The following BMP6 variants were observed in gnomAD, a reference collection of about 807,000 sequenced individuals.
The protein encoded by BMP6 is VG-1-R.
Under a neutral mutation model 54.1 loss-of-function variants are expected in BMP6, and 17 were observed. The observed-to-expected ratio is 0.31, with a 90% CI of 0.22 to 0.47. The LOEUF (loss-of-function observed/expected upper bound fraction) is 0.47, where lower values mean the gene tolerates loss of function less well. Among genes scored for constraint, BMP6 ranks in the 20% least tolerant of loss-of-function variants. The pLI is 1.00. For missense variants in BMP6, 720 were observed against 690.4 expected (o/e 1.04, Z -0.48); for synonymous variants, 328 against 291.2 (o/e 1.13, Z -1.28).
At chr6:7,866,306 T>C (rs1030937597) in intron 4 of BMP6, among the ~76,000 whole-genome samples, 1 of 152,252 alleles carries the variant, frequency 6.6e-6, no homozygotes, top group African/African-American at 2.4e-5. Context: ...TTAACCAATC[T>C]ACCAATTCTT....
chr6:7,862,386 A>T lies in BMP6; in HGVS notation c.1092A>T (p.Lys364Asn). The change falls in exon 4 of 7, where the codon AAA (lysine) becomes AAT (asparagine). Residue 364 changes from lysine (K) to asparagine (N), a missense_variant. Coordinates refer to ENST00000283147, the MANE Select transcript of BMP6 (RefSeq NM_001718.6). ...AGCCCTTCATGGTGGCTTTCTTCAA[A>T]GTGAGTGAGGTGCACGTGCGCACCA... ...DKQPFMVAFFKVSEVHVRTTR... is the reference protein window; with the variant it reads ...DKQPFMVAFFNVSEVHVRTTR... The T allele has an allele frequency of 1.2e-6, 2 of 1,614,140 alleles. No individual in the cohort carries two copies. Among genetic ancestry groups the T allele is most frequent in the Non-Finnish European group, 1.7e-6 (2 of 1,180,008 alleles).
chr6:7,872,862 G>C (rs1759552066), intron 4 of BMP6, among the ~76,000 whole-genome samples: 1 of 148,258 alleles, frequency 6.7e-6, no homozygotes, highest in Non-Finnish European at 1.5e-5. Flanking sequence ...GCCCAGGCTG[G>C]AGTATGGTGG....
At chr6:7,872,211 A>G (rs892454826) in intron 4 of BMP6, among the ~76,000 whole-genome samples, 17 of 151,920 alleles carry the variant, frequency 1.1e-4, no homozygotes, top group Non-Finnish European at 2.2e-4. Flanking sequence ...GGCCCTCTTC[A>G]GCCCATTCAT....
intron 4 of BMP6, among the ~76,000 whole-genome samples, chr6:7,863,538 GT>G (rs1759369749): frequency 6.6e-6 from 1 of 152,170 alleles, no homozygotes; most frequent in East Asian, 1.9e-4. Context: ...CTTGGCTGGG[GT>G]TGCGTCCTCC....
rs1759722223 is a variant in BMP6, at chr6:7,881,331, TTAGAA to T, written c.*991_*995del. 1 of 152,654 alleles carries T rather than the reference TTAGAA, an allele frequency of 6.6e-6. No individual in the cohort carries two copies. The highest frequency in any genetic ancestry group is 1.5e-5 in the Non-Finnish European group (1 of 68,046). The allele number at this position is 152,654 out of a possible 1,614,324, so 9.5% of individuals were successfully genotyped here. ...TAGAAAGTGAGGCTCAGATTAAATT[TTAGAA>T]TATTTTCTAAATGTCTTTTTCACAA... On this transcript the variant is annotated 3_prime_UTR_variant, in exon 7 of 7. Coordinates refer to ENST00000283147, the MANE Select transcript of BMP6 (RefSeq NM_001718.6).
intron 1 of BMP6, among the ~76,000 whole-genome samples, chr6:7,819,351 T>C (rs1035989021): frequency 6.6e-6 from 1 of 152,200 alleles, no homozygotes; most frequent in Non-Finnish European, 1.5e-5. Context: ...CACAATGAGT[T>C]TGTGTAACTT....
intron 1 of BMP6, among the ~76,000 whole-genome samples, chr6:7,776,275 G>T (rs1052408272): frequency 1.8e-4 from 27 of 152,168 alleles, no homozygotes; most frequent in South Asian, 2.1e-4. Context: ...CCTTCCCTCA[G>T]TTTTCTCACT....
At chr6:7,791,807 A>T (rs1425855756) in intron 1 of BMP6, among the ~76,000 whole-genome samples, 1 of 152,278 alleles carries the variant, frequency 6.6e-6, no homozygotes, top group East Asian at 1.9e-4. Context: ...CTGTTGTCTT[A>T]TCCCCAGTTT....
chr6:7,875,802 T>C (rs544082588), intron 4 of BMP6, among the ~76,000 whole-genome samples: 1 of 152,310 alleles, frequency 6.6e-6, no homozygotes, highest in East Asian at 1.9e-4. Context: ...ACCAGGGAAC[T>C]TACCCAATCA....
chr6:7,875,982 G>A (rs1225933), intron 4 of BMP6, among the ~76,000 whole-genome samples: 54,969 of 151,950 alleles, frequency 0.36, 11,017 homozygotes, highest in East Asian at 0.64. Context: ...GCAGGGTGGA[G>A]ACATTTGATT....
chr6:7,850,121 G>C (rs540936775), intron 2 of BMP6, among the ~76,000 whole-genome samples: 1 of 152,068 alleles, frequency 6.6e-6, no homozygotes, highest in East Asian at 1.9e-4. Flanking sequence ...CTCTGTAGTT[G>C]GTTTCCATGT....
chr6:7,871,559 C>CT (rs1314157574), intron 4 of BMP6, among the ~76,000 whole-genome samples: 5 of 152,240 alleles, frequency 3.3e-5, no homozygotes, highest in African/African-American at 7.2e-5. Flanking sequence ...CCAAGTTGCC[C>CT]TGGATGAGCA....
intron 1 of BMP6, among the ~76,000 whole-genome samples, chr6:7,745,548 G>A (rs1425418787): frequency 6.6e-6 from 1 of 152,232 alleles, no homozygotes; most frequent in African/African-American, 2.4e-5. Flanking sequence ...TGAGATTACA[G>A]GCGTGAGCCA....
At chr6:7,873,238 T>TG (rs1738656627) in intron 4 of BMP6, among the ~76,000 whole-genome samples, 2 of 152,226 alleles carry the variant, frequency 1.3e-5, no homozygotes, top group African/African-American at 4.8e-5. Context: ...CTGTCTGTCT[T>TG]GCCTACAAAT....
chr6:7,771,914 G>A (rs955139748), intron 1 of BMP6, among the ~76,000 whole-genome samples: 4 of 151,982 alleles, frequency 2.6e-5, no homozygotes, highest in African/African-American at 4.8e-5. Flanking sequence ...TTAGCCAGGC[G>A]TGATGGTGGG....
chr6:7,822,960 GCT>G (rs1319165339), intron 1 of BMP6, among the ~76,000 whole-genome samples: 5 of 149,820 alleles, frequency 3.3e-5, no homozygotes. Context: ...GGTAAATAGG[GCT>G]CTTTTATTTC....
At chr6:7,875,892 G>A (rs372525668) in intron 4 of BMP6, among the ~76,000 whole-genome samples, 2 of 152,318 alleles carry the variant, frequency 1.3e-5, no homozygotes, top group East Asian at 3.9e-4. Context: ...TCCCTCCAAT[G>A]TGGTCATCAC....
chr6:7,781,869 G>A lies in BMP6; in HGVS notation c.664+54250G>A, dbSNP rs140591500. 2.9e-4 allele frequency among the ~76,000 whole-genome samples: 44 copies of A among 151,524 alleles called. 1 individual carries two copies. The highest frequency in any genetic ancestry group is 1.0e-3 in the African/African-American group (42 of 41,468). On this transcript the variant is annotated intron_variant, in intron 1 of 6. Transcript: ENST00000283147. ...AACTGAAAAGATAGGTGAGAAGTGC[G>A]AGGTCTTTCAGGCCATATTCAGGGT...
chr6:7,791,735 C>T (rs1341690059), intron 1 of BMP6, among the ~76,000 whole-genome samples: 1 of 152,156 alleles, frequency 6.6e-6, no homozygotes, highest in Non-Finnish European at 1.5e-5. Context: ...CAGCGAATGA[C>T]GTTGCCATGT....
Sources: allele counts gnomAD v4.1 joint callset (sites outside exome capture counted in the v4.1 genomes callset), GRCh38; gene constraint gnomAD v4.1.1; transcripts MANE v1.5; gene names NCBI Gene and HGNC (gene_info 2026-07-23, HGNC 2026-07-21).